The following ANKFN1 variants were observed in gnomAD, a reference collection of about 807,000 sequenced individuals.
The protein encoded by ANKFN1 is ankyrin repeat and fibronectin type III domain containing 1.
ANKFN1 carries 74 observed loss-of-function variants against 108.7 expected under a neutral mutation model. The ratio of observed to expected loss-of-function variants is 0.68; its 90% CI spans 0.56 to 0.83. The LOEUF (loss-of-function observed/expected upper bound fraction) is 0.83, where lower values mean the gene tolerates loss of function less well. ANKFN1 is among the 40% of genes least tolerant of loss of function. ANKFN1 has a pLI of 0.00. For synonymous variants in ANKFN1, 547 were observed against 516.2 expected (o/e 1.06, Z -0.81); for missense variants, 1,505 against 1,382.3 (o/e 1.09, Z -1.41).
At chr17:56,404,487 G>A (rs933815994) in intron 8 of ANKFN1, among the ~76,000 whole-genome samples, 2 of 152,150 alleles carry the variant, frequency 1.3e-5, no homozygotes, top group African/African-American at 4.8e-5. Flanking sequence ...TTCTAAAAGT[G>A]TGTCCAAAGT....
intron 8 of ANKFN1, among the ~76,000 whole-genome samples, chr17:56,415,815 A>G (rs1268742403): frequency 6.6e-6 from 1 of 152,224 alleles, no homozygotes; most frequent in Non-Finnish European, 1.5e-5. Context: ...TTCAAATTAT[A>G]CTACAGAGCT....
chr17:56,299,470 T>A (rs2044610970), intron 3 of ANKFN1, among the ~76,000 whole-genome samples: 1 of 152,244 alleles, frequency 6.6e-6, no homozygotes, highest in South Asian at 2.1e-4. Context: ...AAGTAATCCC[T>A]GTACATTCTG....
Position 56,512,495 on chromosome 17 carries a change from G to C in ANKFN1, c.*1226G>C, listed in dbSNP as rs1012013632. 6.6e-6 allele frequency among the ~76,000 whole-genome samples: 1 copy of C among 152,164 alleles called. No homozygotes were observed. The highest frequency in any genetic ancestry group is 2.4e-5 in the African/African-American group (1 of 41,454). ...TGTGCTAAAAACATCTGGAAATCTT[G>C]CTTTGGTCTCATTACCTCCTATCTG... On this transcript the variant is annotated 3_prime_UTR_variant, in exon 21 of 21. Transcript: ENST00000682825.
intron 3 of ANKFN1, among the ~76,000 whole-genome samples, chr17:56,282,970 G>C (rs79493717): frequency 1.3e-5 from 2 of 152,068 alleles, no homozygotes; most frequent in Non-Finnish European, 2.9e-5. Context: ...ATTTTATTTT[G>C]TATTTTAACT....
chr17:56,129,574 G>A (rs1365620879), intron 4 of ANKFN1, among the ~76,000 whole-genome samples: 5 of 151,746 alleles, frequency 3.3e-5, no homozygotes, highest in Non-Finnish European at 7.4e-5. Flanking sequence ...TGAAACATAA[G>A]GTTACTTTCT....
intron 8 of ANKFN1, among the ~76,000 whole-genome samples, chr17:56,396,688 T>G (rs140044916): frequency 1.3e-5 from 2 of 152,290 alleles, no homozygotes; most frequent in African/African-American, 4.8e-5. Context: ...AGGCATTGCT[T>G]CTTCTAAACC....
intron 4 of ANKFN1, among the ~76,000 whole-genome samples, chr17:56,332,979 G>GTATCTATATATATATATATA (rs2045705836): frequency 6.8e-6 from 1 of 147,744 alleles, no homozygotes; most frequent in African/African-American, 2.5e-5. Context: ...ATATATGTGT[G>GTATCTATATATATATATATA]TATATATATA....
intron 3 of ANKFN1, among the ~76,000 whole-genome samples, chr17:56,310,598 C>T (rs986498786): frequency 2.0e-5 from 3 of 146,824 alleles, no homozygotes; most frequent in African/African-American, 7.7e-5. Context: ...GCCTAGGCAA[C>T]AGAGTGAGAC....
rs7212073 is a variant in ANKFN1, at chr17:56,133,269, A to G, written c.288+86944A>G. ...TTTCCTCAAGTGAACAGGTTCATCA[A>G]TTTTTACATGGTGCAAGATAATTGC... On this transcript the variant is annotated intron_variant, in intron 4 of 12. Transcript: ENST00000635860. Among the ~76,000 whole-genome samples, 335 of 152,278 alleles carry G rather than the reference A, an allele frequency of 2.2e-3. 2 individuals carry two copies. Among genetic ancestry groups the G allele is most frequent in the African/African-American group, 7.1e-3 (297 of 41,564 alleles).
intron 1 of ANKFN1, among the ~76,000 whole-genome samples, chr17:56,171,412 A>G (rs2143570112): frequency 6.6e-6 from 1 of 152,116 alleles, no homozygotes; most frequent in South Asian, 2.1e-4. Flanking sequence ...CACCTTCTAT[A>G]CCCCAGGAGG....
In ANKFN1 at chr17:56,514,447, T is replaced by G. The variant is rs2051857830; in HGVS notation, c.*3178T>G. On this transcript the variant is annotated 3_prime_UTR_variant, in exon 21 of 21. Coordinates refer to ENST00000682825, the MANE Select transcript of ANKFN1 (RefSeq NM_001370326.1). ...GTTGGGCTACATCTTTGATTTCTTCTTGCTGTACAGACTCCTGAGGGAGTA... is the reference window on the plus strand; with the variant it reads ...GTTGGGCTACATCTTTGATTTCTTCGTGCTGTACAGACTCCTGAGGGAGTA... Among the ~76,000 whole-genome samples the G allele has an allele frequency of 6.6e-6, 1 of 152,192 alleles. No individual in the cohort carries two copies. Among genetic ancestry groups the G allele is most frequent in the Non-Finnish European group, 1.5e-5 (1 of 68,026 alleles).
rs552309479 is a variant in ANKFN1 at position 56,213,233 on chromosome 17, A to G, written c.12+554A>G. Among the ~76,000 whole-genome samples, 21 of 152,244 alleles carry G rather than the reference A, an allele frequency of 1.4e-4. No individual in the cohort carries two copies. The South Asian group carries it at 3.3e-3, about 24-fold the overall frequency. ...AGAGGCTGGAGCTGGCACCAGAGCAATGTGACTCAACCATCCCGTCACAGG... is the reference window on the plus strand; with the variant it reads ...AGAGGCTGGAGCTGGCACCAGAGCAGTGTGACTCAACCATCCCGTCACAGG... On this transcript the variant is annotated intron_variant, in intron 2 of 20. Transcript: ENST00000682825.
intron 3 of ANKFN1, among the ~76,000 whole-genome samples, chr17:56,229,661 C>CAAAAA (rs58714064): frequency 1.0e-4 from 4 of 40,194 alleles, no homozygotes; most frequent in Non-Finnish European, 1.4e-4. Context: ...TTTCAGATTG[C>CAAAAA]AAAAAAAAAA....
chr17:56,221,876 A>C (rs1915917496), intron 2 of ANKFN1, among the ~76,000 whole-genome samples: 1 of 152,164 alleles, frequency 6.6e-6, no homozygotes, highest in Non-Finnish European at 1.5e-5. Context: ...GAGGGCACTG[A>C]AGCCTGGGAA....
At chr17:56,467,757 AAGAAAGAAAGAAAGAAAGAAAGAAAG>A (rs1598662736) in intron 15 of ANKFN1, among the ~76,000 whole-genome samples, 1 of 31,616 alleles carries the variant, frequency 3.2e-5, no homozygotes, top group East Asian at 2.7e-3. Flanking sequence ...GAAAGAAAGA[AAGAAAGAAAGAAAGAAAGAAAGAAAG>A]AAAGAAAGAA....
intron 4 of ANKFN1, among the ~76,000 whole-genome samples, chr17:56,051,509 A>AGTTTTGGTGTGTGGTG (rs1904774453): frequency 2.2e-5 from 3 of 136,766 alleles, no homozygotes; most frequent in African/African-American, 8.4e-5. Context: ...AAACTGGCAC[A>AGTTTTGGTGTGTGGTG]AGACAGGGAT....
chr17:56,489,067 T>TCA (rs1437731543), intron 18 of ANKFN1, among the ~76,000 whole-genome samples: 1 of 152,176 alleles, frequency 6.6e-6, no homozygotes, highest in Non-Finnish European at 1.5e-5. Context: ...GTCACACAGG[T>TCA]GGTGAGTGGC....
At chr17:56,344,494 AGATG>A (rs1420924806) in intron 4 of ANKFN1, among the ~76,000 whole-genome samples, 1 of 152,030 alleles carries the variant, frequency 6.6e-6, no homozygotes, top group Non-Finnish European at 1.5e-5. Flanking sequence ...AGTCAGACAG[AGATG>A]AGATTTTAGG....
intron 3 of ANKFN1, among the ~76,000 whole-genome samples, chr17:56,309,623 T>C (rs2044948694): frequency 6.6e-6 from 1 of 152,178 alleles, no homozygotes; most frequent in Non-Finnish European, 1.5e-5. Context: ...TGGTGCCCTT[T>C]CATCCACAGG....
Sources: allele counts gnomAD v4.1 joint callset (sites outside exome capture counted in the v4.1 genomes callset), GRCh38; gene constraint gnomAD v4.1.1; transcripts MANE v1.5; gene names NCBI Gene and HGNC (gene_info 2026-07-23, HGNC 2026-07-21).